The following PDE4D variants were observed in gnomAD, a reference collection of about 807,000 sequenced individuals.
The protein encoded by PDE4D is 3',5'-cyclic-AMP phosphodiesterase 4D.
PDE4D carries 24 observed loss-of-function variants against 87.4 expected under a neutral mutation model. The ratio of observed to expected loss-of-function variants is 0.27; its 90% CI spans 0.20 to 0.39. PDE4D has a LOEUF of 0.39. Ranked by LOEUF, PDE4D falls within the 10% of genes least tolerant of loss-of-function variation. The pLI, the probability that PDE4D is intolerant of heterozygous loss-of-function variation, is 1.00. For synonymous variants in PDE4D, 384 were observed against 383.2 expected, an observed-to-expected ratio of 1.00 and a Z score of -0.02; for missense variants, 714 against 1,041.0, an observed-to-expected ratio of 0.69 and a Z score of 4.32.
chr5:59,904,188 T>C (rs1752577710), intron 3 of PDE4D, among the ~76,000 whole-genome samples: 1 of 152,190 alleles, frequency 6.6e-6, no homozygotes, highest in African/African-American at 2.4e-5. Flanking sequence ...TGCTTTACCA[T>C]GTGCATTTTA....
At chr5:59,202,174 G>A (rs1388207951) in intron 2 of PDE4D, among the ~76,000 whole-genome samples, 3 of 151,028 alleles carry the variant, frequency 2.0e-5, no homozygotes, top group Admixed American at 1.3e-4. Context: ...GGAGTAGCTG[G>A]GACTACAGGC....
At chr5:60,244,702 GGAT>G (rs1397467787) in intron 1 of PDE4D, among the ~76,000 whole-genome samples, 1 of 151,942 alleles carries the variant, frequency 6.6e-6, no homozygotes, top group Non-Finnish European at 1.5e-5. Flanking sequence ...ATTAGGGAAA[GGAT>G]GATTTCTTCT....
intron 5 of PDE4D, among the ~76,000 whole-genome samples, chr5:59,170,686 T>A (rs976173743): frequency 3.9e-5 from 6 of 152,224 alleles, no homozygotes; most frequent in African/African-American, 1.4e-4. Context: ...CACTTTATTA[T>A]GTATTCCTTA....
At chr5:59,961,863 AG>A (rs1267952713) in intron 3 of PDE4D, among the ~76,000 whole-genome samples, 1 of 152,182 alleles carries the variant, frequency 6.6e-6, no homozygotes, top group African/African-American at 2.4e-5. Context: ...GTACCTGCCG[AG>A]GCTCTGGGGC....
At chr5:60,011,604 T>C (rs1230616660) in intron 2 of PDE4D, among the ~76,000 whole-genome samples, 3 of 152,138 alleles carry the variant, frequency 2.0e-5, no homozygotes, top group Admixed American at 2.0e-4. Flanking sequence ...ATATTGACAT[T>C]AAAAACAGCA....
chr5:59,675,487 G>T (rs1406537119), intron 1 of PDE4D, among the ~76,000 whole-genome samples: 2 of 152,156 alleles, frequency 1.3e-5, no homozygotes, highest in Non-Finnish European at 2.9e-5. Context: ...AAATGTTTTT[G>T]ATGGAAAGTG....
intron 2 of PDE4D, among the ~76,000 whole-genome samples, chr5:60,043,602 C>A (rs942563900): frequency 6.6e-6 from 1 of 150,834 alleles, no homozygotes; most frequent in Non-Finnish European, 1.5e-5. Context: ...GATCTCTCTG[C>A]AGAAACCCTA....
chr5:59,836,646 C>CTATCTATCTATCTATA (rs1561741410), intron 1 of PDE4D, among the ~76,000 whole-genome samples: 2 of 151,584 alleles, frequency 1.3e-5, no homozygotes, highest in African/African-American at 4.9e-5. Context: ...ATCTATCTAT[C>CTATCTATCTATCTATA]TATCTATCTA....
intron 11 of PDE4D, among the ~76,000 whole-genome samples, chr5:58,981,081 C>T (rs1745014671): frequency 6.6e-6 from 1 of 152,176 alleles, no homozygotes; most frequent in Non-Finnish European, 1.5e-5. Context: ...GGGCAATCTT[C>T]TTTAATCAGT....
At chr5:59,937,316 A>G (rs1325706118) in intron 3 of PDE4D, among the ~76,000 whole-genome samples, 1 of 152,242 alleles carries the variant, frequency 6.6e-6, no homozygotes, top group Non-Finnish European at 1.5e-5. Flanking sequence ...ATAAAATAAT[A>G]TAAACTAACA....
intron 2 of PDE4D, among the ~76,000 whole-genome samples, chr5:60,157,188 A>T (rs1416685731): frequency 6.6e-6 from 1 of 152,194 alleles, no homozygotes; most frequent in African/African-American, 2.4e-5. Context: ...TTGTTGGTAG[A>T]TGAAAATACT....
intron 1 of PDE4D, among the ~76,000 whole-genome samples, chr5:59,658,482 C>T (rs192931653): frequency 2.0e-5 from 3 of 151,944 alleles, no homozygotes; most frequent in Admixed American, 6.5e-5. Flanking sequence ...TCTGGGTTCA[C>T]GCCATTCTCC....
chr5:60,367,873 C>A (rs1036124704), intron 1 of PDE4D, among the ~76,000 whole-genome samples: 2 of 152,168 alleles, frequency 1.3e-5, no homozygotes, highest in African/African-American at 4.8e-5. Context: ...TCCCCTGCTT[C>A]CCCTTGGACT....
intron 1 of PDE4D, among the ~76,000 whole-genome samples, chr5:60,223,132 G>A (rs1744683162): frequency 6.6e-6 from 1 of 152,056 alleles, no homozygotes; most frequent in South Asian, 2.1e-4. Flanking sequence ...GGAATAGAGT[G>A]ACCCTTAGTA....
intron 2 of PDE4D, among the ~76,000 whole-genome samples, chr5:60,038,045 TC>T (rs1263355241): frequency 6.6e-6 from 1 of 152,162 alleles, no homozygotes; most frequent in Non-Finnish European, 1.5e-5. Flanking sequence ...GATGAGTAGG[TC>T]GCGAAAATTT....
intron 1 of PDE4D, among the ~76,000 whole-genome samples, chr5:59,435,476 C>A (rs542079300): frequency 6.6e-6 from 1 of 152,288 alleles, no homozygotes; most frequent in South Asian, 2.1e-4. Context: ...GAACATTTTT[C>A]TCTTTCTTCT....
chr5:59,500,051 A>G (rs1808014160), intron 1 of PDE4D, among the ~76,000 whole-genome samples: 1 of 152,158 alleles, frequency 6.6e-6, no homozygotes, highest in Admixed American at 6.5e-5. Flanking sequence ...TCAACCAATG[A>G]GATACTATCT....
intron 1 of PDE4D, among the ~76,000 whole-genome samples, chr5:60,399,221 T>G (rs1763103607): frequency 6.6e-6 from 1 of 152,184 alleles, no homozygotes; most frequent in South Asian, 2.1e-4. Context: ...TTAGTATTGC[T>G]TATAGAAACT....
At chr5:60,388,483 C>G (rs1762351559) in intron 1 of PDE4D, among the ~76,000 whole-genome samples, 1 of 151,980 alleles carries the variant, frequency 6.6e-6, no homozygotes, top group South Asian at 2.1e-4. Flanking sequence ...ACCTATTGAC[C>G]CATCCTCTAA....
Sources: gnomAD v4.1 joint callset for allele counts (sites outside exome capture counted in the v4.1 genomes callset) on GRCh38, gnomAD v4.1.1 for gene constraint, MANE v1.5 for transcripts, NCBI Gene and HGNC (gene_info 2026-07-23, HGNC 2026-07-21) for gene names.